RUNX1T1: variants seen among roughly 807,000 people sequenced by gnomAD.
RUNX1T1 encodes RUNX1 partner transcriptional co-repressor 1.
In RUNX1T1, 4 loss-of-function variants were observed where a neutral mutation model predicts 62.8. That is an observed-to-expected ratio of 0.06 (90% CI 0.03 to 0.15). The LOEUF (loss-of-function observed/expected upper bound fraction) is 0.15. Among genes scored for constraint, RUNX1T1 ranks in the 10% least tolerant of loss-of-function variants. The probability of loss-of-function intolerance (pLI) is 1.00; values close to 1 mark genes in which losing one functional copy is unlikely to be tolerated. For missense variants in RUNX1T1, 508 were observed against 754.3 expected, an observed-to-expected ratio of 0.67 and a Z score of 3.82; for synonymous variants, 291 against 286.0, an observed-to-expected ratio of 1.02 and a Z score of -0.18.
intron 10 of RUNX1T1, 136 bp downstream of exon 11, chr8:91,970,522 G>C (rs2130616362): frequency 1.4e-6 from 1 of 723,206 alleles, no homozygotes; most frequent in Middle Eastern, 2.9e-4. Context: ...CAAATTTCAT[G>C]AATACCTTGA....
At chr8:91,996,087 C>T (rs535362391) in intron 5 of RUNX1T1, among the ~76,000 whole-genome samples, 17 of 152,294 alleles carry the variant, frequency 1.1e-4, no homozygotes, top group African/African-American at 3.8e-4. Flanking sequence ...TGTCCCATAC[C>T]AGTATACCCT....
chr8:92,025,599 C>T (rs1824990181), intron 1 of RUNX1T1, among the ~76,000 whole-genome samples: 2 of 152,182 alleles, frequency 1.3e-5, no homozygotes, highest in African/African-American at 4.8e-5. Context: ...CCGGGTTTGT[C>T]CCAAGTTCTC....
At chr8:92,102,415 A>G (rs1010433658), upstream of RUNX1T1, among the ~76,000 whole-genome samples, 3 of 151,332 alleles carry the variant, frequency 2.0e-5, no homozygotes, top group African/African-American at 7.3e-5. This position sits in a 1 kb window ranked among gnomAD's most constrained non-coding sequence, Gnocchi z 4.5. Context: ...GTTTACAGAA[A>G]AAGAAAAGAA....
At chr8:92,086,321 G>A (rs62520944) in intron 1 of RUNX1T1, among the ~76,000 whole-genome samples, 99 of 152,302 alleles carry the variant, frequency 6.5e-4, no homozygotes, top group Middle Eastern at 6.8e-3. Context: ...TTATAAAGCA[G>A]GCTGCACTGG....
intron 3 of RUNX1T1, among the ~76,000 whole-genome samples, chr8:92,011,475 T>C (rs998050071): frequency 1.3e-5 from 2 of 152,216 alleles, no homozygotes; most frequent in African/African-American, 2.4e-5. Context: ...CGAGGGCAAG[T>C]GTCAGAATTC....
intron 8 of RUNX1T1, among the ~76,000 whole-genome samples, chr8:91,976,291 T>C (rs1813930883): frequency 6.6e-6 from 1 of 152,220 alleles, no homozygotes; most frequent in Non-Finnish European, 1.5e-5. Context: ...TCTATAGATA[T>C]ATTTTGTTAA....
At chr8:91,988,803 G>A (rs1717456242) in intron 6 of RUNX1T1, among the ~76,000 whole-genome samples, 1 of 152,058 alleles carries the variant, frequency 6.6e-6, no homozygotes, top group Admixed American at 6.5e-5. Flanking sequence ...AATATTAAGT[G>A]CATTAGAAAC....
chr8:92,077,457 G>A (rs927762828), intron 1 of RUNX1T1, among the ~76,000 whole-genome samples: 1 of 152,036 alleles, frequency 6.6e-6, no homozygotes, highest in Admixed American at 6.6e-5. Flanking sequence ...GGTGCACACA[G>A]CGGGGAAGAC....
chr8:92,083,489 A>C (rs955067194), intron 1 of RUNX1T1, among the ~76,000 whole-genome samples: 2 of 152,226 alleles, frequency 1.3e-5, no homozygotes, highest in Non-Finnish European at 2.9e-5. Flanking sequence ...AATGAACATG[A>C]AAACAAGCTC....
intron 1 of RUNX1T1, among the ~76,000 whole-genome samples, chr8:92,081,517 CAT>C (rs1835261803): frequency 2.0e-5 from 3 of 147,252 alleles, no homozygotes; most frequent in African/African-American, 2.5e-5. Context: ...AAAAAAAAAA[CAT>C]AAACTGATGT....
intron 1 of RUNX1T1, among the ~76,000 whole-genome samples, chr8:92,077,203 A>C (rs1834554782): frequency 6.6e-6 from 1 of 152,138 alleles, no homozygotes; most frequent in South Asian, 2.1e-4. Flanking sequence ...TTAAGGTTTA[A>C]AAATTAAATA....
intron 1 of RUNX1T1, among the ~76,000 whole-genome samples, chr8:92,083,095 T>C (rs1408131719): frequency 6.6e-6 from 1 of 152,212 alleles, no homozygotes; most frequent in East Asian, 1.9e-4. Context: ...GCTTATCCTT[T>C]ATTAAAGCCC....
In RUNX1T1 at chr8:92,060,549, A is replaced by ATG. The variant is rs1457607602; in HGVS notation, c.7+1996_7+1997insCA. 2.2e-3 allele frequency among the ~76,000 whole-genome samples: 235 copies of ATG among 107,020 alleles called. 1 individual carries two copies. The highest frequency in any genetic ancestry group is 8.9e-3 in the East Asian group (42 of 4,732). The allele number at this position is 107,020 out of a possible 152,430, so 70.2% of individuals were successfully genotyped here. A position where few individuals can be genotyped will look rare whatever the true frequency, so the allele number is the denominator to read the frequency against. On this transcript the variant is annotated intron_variant, in intron 1 of 10. Coordinates refer to ENST00000396218, the Ensembl canonical transcript of RUNX1T1. ...TATATATATATATATATATATATAT[A>ATG]TATATGTGTGTGTGTGTGTGTGTGT...
chr8:91,984,276 C>G (rs1209342477), intron 8 of RUNX1T1, among the ~76,000 whole-genome samples: 3 of 152,126 alleles, frequency 2.0e-5, no homozygotes, highest in Non-Finnish European at 2.9e-5. Context: ...TCACCAGAAT[C>G]TGTGTGTAGT....
chr8:92,059,659 G>A (rs915637891), intron 1 of RUNX1T1, among the ~76,000 whole-genome samples: 1 of 152,182 alleles, frequency 6.6e-6, no homozygotes, highest in Admixed American at 6.5e-5. Flanking sequence ...CCTTCTTAAA[G>A]CTATGTGTAA....
chr8:92,022,325 G>C (rs1027840642), intron 1 of RUNX1T1, among the ~76,000 whole-genome samples: 1 of 152,106 alleles, frequency 6.6e-6, no homozygotes, highest in Non-Finnish European at 1.5e-5. Flanking sequence ...GAAGATGCTG[G>C]AGACCTGAAA....
chr8:92,047,104 C>A (rs562009533), intron 1 of RUNX1T1, among the ~76,000 whole-genome samples: 192 of 152,214 alleles, frequency 1.3e-3, no homozygotes, highest in Non-Finnish European at 1.9e-3. Context: ...CCTTCAAGAA[C>A]CCTCCATGAG....
intron 10 of RUNX1T1, among the ~76,000 whole-genome samples, chr8:91,969,375 G>A (rs1458172929): frequency 1.3e-5 from 2 of 152,140 alleles, no homozygotes; most frequent in Non-Finnish European, 1.5e-5. Flanking sequence ...GCCCTAAAAT[G>A]TTCATGTGAA....
At chr8:92,062,592 TA>T (rs1832232613) in exon 1 of RUNX1T1, 9 of 1,613,940 alleles carry the variant, frequency 5.6e-6, no homozygotes, top group Non-Finnish European at 7.6e-6. Context: ...GGCTGTCTCC[TA>T]AAAGCAAGCG....
Sources: gnomAD v4.1 joint callset for allele counts (sites outside exome capture counted in the v4.1 genomes callset) on GRCh38, gnomAD v4.1.1 for gene constraint, Gnocchi (gnomAD v3.1) non-coding constraint, MANE v1.5 for transcripts, NCBI Gene and HGNC (gene_info 2026-07-23, HGNC 2026-07-21) for gene names.